The following ITPRID1 variants were observed in gnomAD, a reference collection of about 807,000 sequenced individuals.
ITPRID1 encodes the protein ITPR interacting domain containing 1.
ITPRID1 carries 96 observed loss-of-function variants against 95.4 expected under a neutral mutation model. The ratio of observed to expected loss-of-function variants is 1.01; its 90% CI spans 0.85 to 1.19. The LOEUF (loss-of-function observed/expected upper bound fraction) is 1.19. ITPRID1 is among the 50% of genes most tolerant of loss of function. The pLI, the probability that ITPRID1 is intolerant of heterozygous loss-of-function variation, is 0.00. For synonymous variants in ITPRID1, 510 were observed against 453.6 expected, an observed-to-expected ratio of 1.12 and a Z score of -1.58; for missense variants, 1,339 against 1,252.9, an observed-to-expected ratio of 1.07 and a Z score of -1.04.
At position 31,652,567 on chromosome 7, in the gene ITPRID1, A is replaced by G. The variant is rs137892596; in HGVS notation, c.2873A>G (p.His958Arg). 3.7e-6 allele frequency: 6 copies of G among 1,610,742 alleles called. No individual in the cohort carries two copies. The highest frequency in any genetic ancestry group is 1.3e-5 in the African/African-American group (1 of 74,888). The change falls in exon 15 of 15, where the codon CAT becomes CGT. Residue 958 changes from histidine (H) to arginine (R), a missense_variant. By Grantham distance (29) the His-to-Arg change is conservative. Transcript: ENST00000615280. ...AEPPEHYSNL[H>R]QYNWIEESNG... ...CCACCTGAACACTATTCAAATCTGC[A>G]TCAATATAACTGGATAGAAGAAAGC...
At chr7:31,619,913 G>C (rs572450046) in intron 10 of ITPRID1, among the ~76,000 whole-genome samples, 1 of 152,152 alleles carries the variant, frequency 6.6e-6, no homozygotes, top group African/African-American at 2.4e-5. Flanking sequence ...CAAATACTGC[G>C]CTTTTCCGAC....
intron 5 of ITPRID1, among the ~76,000 whole-genome samples, chr7:31,557,650 CATACTGAGGATGCACATGCTAGATACT>C (rs1784493458): frequency 6.6e-6 from 1 of 152,180 alleles, no homozygotes; most frequent in East Asian, 1.9e-4. Context: ...AAAATTAATG[CATACTGAGGATGCACATGCTAGATACT>C]ATACATACAT....
chr7:31,618,632 A>T (rs1787499057), intron 10 of ITPRID1, among the ~76,000 whole-genome samples: 1 of 152,186 alleles, frequency 6.6e-6, no homozygotes, highest in South Asian at 2.1e-4. Flanking sequence ...CCCTCCATTA[A>T]TGGGGTCACA....
chr7:31,616,228 G>A (rs1015774315), intron 10 of ITPRID1, among the ~76,000 whole-genome samples: 1 of 151,830 alleles, frequency 6.6e-6, no homozygotes, highest in South Asian at 2.1e-4. Flanking sequence ...GTTTTTAATC[G>A]TGCCTCTTTT....
chr7:31,607,500 C>G (rs1294581062), intron 10 of ITPRID1, among the ~76,000 whole-genome samples: 1 of 152,038 alleles, frequency 6.6e-6, no homozygotes, highest in African/African-American at 2.4e-5. Context: ...AGGCCTTGCT[C>G]CATTGTCTTC....
chr7:31,542,826 A>G (rs926543288), intron 1 of ITPRID1, among the ~76,000 whole-genome samples: 4 of 152,168 alleles, frequency 2.6e-5, no homozygotes, highest in Non-Finnish European at 1.5e-5. Flanking sequence ...GTATGCTGAC[A>G]ACTCTTAAGA....
intron 10 of ITPRID1, among the ~76,000 whole-genome samples, chr7:31,586,981 G>A (rs1198224870): frequency 1.3e-5 from 2 of 151,998 alleles, no homozygotes; most frequent in Admixed American, 6.6e-5. Flanking sequence ...TAGGTCTAAC[G>A]TTTAAGTCTT....
intron 1 of ITPRID1, among the ~76,000 whole-genome samples, chr7:31,534,453 G>A (rs1027168284): frequency 3.5e-4 from 53 of 152,076 alleles, no homozygotes; most frequent in African/African-American, 1.1e-3. Flanking sequence ...CTGTTTTATT[G>A]TATTTTCATT....
At chr7:31,572,218 G>T (rs775826783) in intron 7 of ITPRID1, 30 bp downstream of exon 7, 8 of 1,386,654 alleles carry the variant, frequency 5.8e-6, no homozygotes, top group Non-Finnish European at 8.2e-6. Context: ...TTTTCATCCT[G>T]AGAAATCATT....
intron 5 of ITPRID1, among the ~76,000 whole-genome samples, chr7:31,568,892 G>A (rs978948798): frequency 1.2e-4 from 19 of 152,160 alleles, no homozygotes; most frequent in African/African-American, 4.6e-4. Context: ...GCTAAAATAA[G>A]TTGCAGCATC....
chr7:31,638,938 G>A (rs567168545), intron 10 of ITPRID1, among the ~76,000 whole-genome samples: 6 of 151,996 alleles, frequency 3.9e-5, no homozygotes, highest in African/African-American at 7.2e-5. Flanking sequence ...CACCACACCC[G>A]CTAATTTTTG....
chr7:31,554,439 G>A, intron 3 of ITPRID1, 36 bp from the exon 4 acceptor site: 2 of 1,604,906 alleles, frequency 1.2e-6, no homozygotes, highest in Non-Finnish European at 1.7e-6. Flanking sequence ...AGCTGGTTGT[G>A]CTTTGACTAA....
At chr7:31,603,214 A>G (rs1372513072) in intron 10 of ITPRID1, among the ~76,000 whole-genome samples, 7 of 152,164 alleles carry the variant, frequency 4.6e-5, no homozygotes, top group Non-Finnish European at 1.0e-4. Flanking sequence ...ACATTATGAC[A>G]TGGAACCTCA....
rs878901382 is a variant in ITPRID1, at chr7:31,653,072, C to T, written c.*243C>T. 53 of 956,482 alleles carry T rather than the reference C, an allele frequency of 5.5e-5. No individual in the cohort carries two copies. The Middle Eastern group carries it at 1.1e-3, about 19-fold the overall frequency. 59.2% of individuals were successfully genotyped at this position (956,482 alleles called of 1,614,324 possible). A position where few individuals can be genotyped will look rare whatever the true frequency, so the allele number is the denominator to read the frequency against. On this transcript the variant is annotated 3_prime_UTR_variant, in exon 15 of 15. Coordinates refer to ENST00000615280, the MANE Select transcript of ITPRID1 (RefSeq NM_001257967.3). ...TATGCAACAGTGACTAAATAGTATA[C>T]GGTCTCTGCCCTGCTAGAACTTACA...
chr7:31,599,693 T>TC lies in ITPRID1; in HGVS notation c.1228+16502_1228+16503insC, dbSNP rs1491186723. ...CTCTCTCTCTCTCTCTCTCTCTCTC[T>TC]TTCTTTCTTTCTTTCTTTCTCTTTT... On this transcript the variant is annotated intron_variant, in intron 10 of 14. Transcript: ENST00000615280. Among the ~76,000 whole-genome samples, 123 of 120,162 alleles carry TC rather than the reference T, an allele frequency of 1.0e-3. 5 individuals are homozygous for TC. The highest frequency in any genetic ancestry group is 3.1e-3 in the African/African-American group (101 of 32,128). The allele number at this position is 120,162 out of a possible 152,430, so 78.8% of individuals were successfully genotyped here.
rs187324314 is a variant in ITPRID1 at position 31,544,468 on chromosome 7, G to A, written c.-97-4958G>A. On this transcript the variant is annotated intron_variant, in intron 1 of 14. Transcript: ENST00000615280. ...GCTGTAAAGGTTCACATGTATTTCA[G>A]TCTTCTTGTCTGAAAAGTTTGCCTA... Among the ~76,000 whole-genome samples, 370 of 152,222 alleles carry A rather than the reference G, an allele frequency of 2.4e-3. 1 individual carries two copies. The highest frequency in any genetic ancestry group is 8.3e-3 in the African/African-American group (343 of 41,554).
intron 10 of ITPRID1, among the ~76,000 whole-genome samples, chr7:31,594,093 AC>A (rs1785975495): frequency 6.6e-6 from 1 of 152,150 alleles, no homozygotes; most frequent in African/African-American, 2.4e-5. Context: ...TTTTAACTGT[AC>A]CTTTTCTATG....
At chr7:31,621,858 A>C (rs1583614424) in intron 10 of ITPRID1, among the ~76,000 whole-genome samples, 1 of 151,868 alleles carries the variant, frequency 6.6e-6, no homozygotes, top group African/African-American at 2.4e-5. Flanking sequence ...TATTCAGGAA[A>C]CCCATCTCAC....
Position 31,642,745 on chromosome 7 carries a change from A to G in ITPRID1, c.1375A>G (p.Ser459Gly). 6.2e-7 allele frequency: 1 copy of G among 1,614,044 alleles called. No individual in the cohort carries two copies. Among genetic ancestry groups the G allele is most frequent in the Non-Finnish European group, 8.5e-7 (1 of 1,179,894 alleles). The change falls in exon 12 of 15, where the codon AGC becomes GGC. Residue 459 changes from serine to glycine, a missense_variant. By Grantham distance (56) the Ser-to-Gly change is moderately conservative (BLOSUM62 0). Transcript: ENST00000615280. ...ENGGRKPRDQ[S>G]HSLVSSQDCQ... ...TGGAGGTAGAAAGCCAAGAGATCAGAGCCACAGCTTAGTATCATCCCAGGA... is the reference window on the plus strand; with the variant it reads ...TGGAGGTAGAAAGCCAAGAGATCAGGGCCACAGCTTAGTATCATCCCAGGA...
Sources: gnomAD v4.1 joint callset for allele counts (sites outside exome capture counted in the v4.1 genomes callset) on GRCh38, gnomAD v4.1.1 for gene constraint, MANE v1.5 for transcripts, NCBI Gene and HGNC (gene_info 2026-07-23, HGNC 2026-07-21) for gene names.